Variants in MRE11 observed in about 807,000 individuals in gnomAD.
The protein encoded by MRE11 is double-strand break repair protein MRE11.
MRE11 carries 62 observed loss-of-function variants against 91.7 expected under a neutral mutation model. The observed-to-expected ratio is 0.68, with a 90% CI of 0.55 to 0.84. The LOEUF is 0.84. MRE11 is among the 40% of genes least tolerant of loss of function. The pLI is 0.00. For missense variants in MRE11, 796 were observed against 852.9 expected (o/e 0.93, Z 0.83); for synonymous variants, 273 against 271.4 (o/e 1.01, Z -0.06).
chr11:94,474,576 T>A (rs1473818384), intron 7 of MRE11, among the ~76,000 whole-genome samples: 1 of 152,112 alleles, frequency 6.6e-6, no homozygotes, highest in Non-Finnish European at 1.5e-5. Context: ...GGAAATAAGA[T>A]CACCCATGGA....
In MRE11 at chr11:94,417,602, T is replaced by A. The variant is rs1945062695; in HGVS notation, c.*2523A>T. 1 of 232,956 alleles carries A rather than the reference T, an allele frequency of 4.3e-6. No homozygotes were observed. Among genetic ancestry groups the A allele is most frequent in the South Asian group, 1.8e-4 (1 of 5,528 alleles). The allele number at this position is 232,956 out of a possible 1,614,324, so 14.4% of individuals were successfully genotyped here. ...CCACCTTGTGGCAAAAGTAGGAGCT[T>A]TTAAATTACAGAAGTTAGGGCTTGT... On this transcript the variant is annotated 3_prime_UTR_variant, in exon 20 of 20. Transcript: ENST00000323929.
Position 94,463,230 on chromosome 11 carries a change from A to C in MRE11, c.1225+883T>G, listed in dbSNP as rs145954514. 5.8e-3 allele frequency among the ~76,000 whole-genome samples: 879 copies of C among 152,286 alleles called. 5 individuals carry two copies. The highest frequency in any genetic ancestry group is 0.019 in the African/African-American group (797 of 41,560). ...GAAATACAATTCAAAACCACAATGA[A>C]ATACCATCTCATACCAGTTAGAATG... On this transcript the variant is annotated intron_variant, in intron 11 of 19. Transcript: ENST00000323929.
At position 94,447,227 on chromosome 11, in the gene MRE11, C is replaced by T. The variant is rs1945958389; in HGVS notation, c.1775G>A (p.Arg592Lys). The change falls in exon 15 of 20, where the codon AGA becomes AAA. Residue 592 changes from arginine (R) to lysine (K), a missense_variant. Transcript: ENST00000323929. ...CTGAACTCAGTGCTCACCTCTTCCT[C>T]TTTGAGACCCTCCTCTCGATGCTGA... ...QNSASRGGSQRGRADTGLETS... is the reference protein window; with the variant it reads ...QNSASRGGSQKGRADTGLETS... 3 of 1,612,824 alleles carry T rather than the reference C, an allele frequency of 1.9e-6. No homozygotes were observed. The highest frequency in any genetic ancestry group is 2.5e-6 in the Non-Finnish European group (3 of 1,179,994).
At chr11:94,487,733 A>C (rs1222020201) in intron 3 of MRE11, among the ~76,000 whole-genome samples, 1 of 152,226 alleles carries the variant, frequency 6.6e-6, no homozygotes, top group Non-Finnish European at 1.5e-5. Context: ...TCAGGAAAAA[A>C]ATCGTGTGTA....
chr11:94,439,950 T>C (rs1480504509), intron 16 of MRE11, among the ~76,000 whole-genome samples: 1 of 152,228 alleles, frequency 6.6e-6, no homozygotes, highest in Non-Finnish European at 1.5e-5. Context: ...AACAAGCATC[T>C]ACTATGTTAT....
chr11:94,428,269 C>T (rs961081241), intron 19 of MRE11, among the ~76,000 whole-genome samples: 2 of 152,244 alleles, frequency 1.3e-5, no homozygotes, highest in African/African-American at 4.8e-5. Flanking sequence ...TTTGACAATG[C>T]TGACAAAAAC....
intron 14 of MRE11, among the ~76,000 whole-genome samples, chr11:94,456,032 G>C (rs1316297128): frequency 1.3e-5 from 2 of 152,106 alleles, no homozygotes; most frequent in Non-Finnish European, 2.9e-5. Context: ...AAGTAGCCAA[G>C]ACTACAGGTG....
chr11:94,486,428 T>C (rs1023486580), intron 3 of MRE11, among the ~76,000 whole-genome samples: 4 of 152,252 alleles, frequency 2.6e-5, no homozygotes, highest in Admixed American at 2.0e-4. Flanking sequence ...AAATCATTCA[T>C]TTAATTCATT....
chr11:94,419,043 A>G lies in MRE11; in HGVS notation c.*1082T>C, dbSNP rs1356639226. The stretch of plus-strand genomic sequence containing the variant: ...TTTTAAAGTAAAGCTGTCGCATAAA[A>G]CTAGAAGAAGGAATAATCTCAGGGA... On this transcript the variant is annotated 3_prime_UTR_variant, in exon 20 of 20. Coordinates refer to ENST00000323929, the MANE Select transcript of MRE11 (RefSeq NM_005591.4). 11 of 231,836 alleles carry G rather than the reference A, an allele frequency of 4.7e-5. No homozygotes were observed. The highest frequency in any genetic ancestry group is 8.5e-5 in the Non-Finnish European group (10 of 117,326). The allele number at this position is 231,836 out of a possible 1,614,324, so 14.4% of individuals were successfully genotyped here.
rs527833638 is a variant in MRE11, at chr11:94,445,717, A to G, written c.1867+93T>C. 8.8e-5 allele frequency: 84 copies of G among 950,262 alleles called. No homozygotes were observed. The South Asian group carries it at 1.0e-3, about 12-fold the overall frequency. The allele number at this position is 950,262 out of a possible 1,614,324, so 58.9% of individuals were successfully genotyped here. A position where few individuals can be genotyped will look rare whatever the true frequency, so the allele number is the denominator to read the frequency against. On this transcript the variant is annotated intron_variant, in intron 16 of 19. Transcript: ENST00000323929. ...TCCTAATTGCCCTTATAACTTCCCA[A>G]TGATTGCAACACAAATAAGGGCTAC...
At chr11:94,476,829 T>G (rs889958364) in intron 6 of MRE11, among the ~76,000 whole-genome samples, 1 of 152,168 alleles carries the variant, frequency 6.6e-6, no homozygotes, top group African/African-American at 2.4e-5. Context: ...CAAGGGATTC[T>G]TGTGCCTCAG....
chr11:94,485,085 C>T (rs181452713), intron 4 of MRE11, among the ~76,000 whole-genome samples: 56 of 151,924 alleles, frequency 3.7e-4, no homozygotes, highest in Middle Eastern at 6.8e-3. Flanking sequence ...TGGTGATGGG[C>T]GCCTGTAATC....
Position 94,486,044 on chromosome 11 carries a change from T to C in MRE11, c.194A>G (p.Asn65Ser). ...ILLGGDLFHE[N>S]KPSRKTLHTC... Reference sequence around the variant, plus strand: ...ATGTAATGTTTTCCTTGAGGGCTTATTTTCATGAAAAAGATCACCACCTAA... The same window carrying C: ...ATGTAATGTTTTCCTTGAGGGCTTACTTTCATGAAAAAGATCACCACCTAA... The change falls in exon 4 of 20, where the codon AAT (asparagine) becomes AGT (serine). Residue 65 changes from asparagine (N) to serine (S), a missense_variant. Transcript: ENST00000323929. 1.2e-6 allele frequency: 2 copies of C among 1,613,836 alleles called. No homozygotes were observed. Among genetic ancestry groups the C allele is most frequent in the Non-Finnish European group, 1.7e-6 (2 of 1,179,890 alleles).
intron 2 of MRE11, 59 bp from the exon 3 acceptor site, chr11:94,491,024 A>C: frequency 3.0e-6 from 3 of 990,588 alleles, no homozygotes; most frequent in Non-Finnish European, 4.6e-6. Flanking sequence ...GGATATTCAA[A>C]CAAATTGAGA....
rs1947264400 is a variant in MRE11, at chr11:94,490,850, G to C, written c.136C>G (p.Leu46Val). ...ACACTCACTTCATTTTCCTGGGCAA[G>C]TCTTAAAATTTCATCGAGTGTTACA... ...TFVTLDEILR[L>V]AQENEVDFIL... The change falls in exon 3 of 20, where the codon CTT becomes GTT. Residue 46 changes from leucine (L) to valine (V), a missense_variant. By Grantham distance (32) the Leu-to-Val change is conservative. Coordinates refer to ENST00000323929, the MANE Select transcript of MRE11 (RefSeq NM_005591.4). 6.2e-7 allele frequency: 1 copy of C among 1,613,560 alleles called. No individual in the cohort carries two copies. Among genetic ancestry groups the C allele is most frequent in the South Asian group, 1.1e-5 (1 of 91,076 alleles).
chr11:94,488,998 C>G (rs1207365918), intron 3 of MRE11, among the ~76,000 whole-genome samples: 1 of 151,956 alleles, frequency 6.6e-6, no homozygotes, highest in Non-Finnish European at 1.5e-5. Flanking sequence ...AATATGTATA[C>G]CCACTGCTTT....
At position 94,492,808 on chromosome 11, in the gene MRE11, G is replaced by A. The variant is rs780903966; in HGVS notation, c.-7C>T. The A allele has an allele frequency of 6.2e-7, 1 of 1,613,436 alleles. No homozygotes were observed. The highest frequency in any genetic ancestry group is 8.5e-7 in the Non-Finnish European group (1 of 1,179,766). ...GTGCATCTGCAGTACTCATTTTTATGGTCAGTCAAGCTCCTCTGGGACCAG... is the reference window on the plus strand; with the variant it reads ...GTGCATCTGCAGTACTCATTTTTATAGTCAGTCAAGCTCCTCTGGGACCAG... On this transcript the variant is annotated 5_prime_UTR_variant, in exon 2 of 20. Transcript: ENST00000323929.
upstream of MRE11, chr11:94,496,803 T>A (rs1947423598): frequency 3.7e-6 from 6 of 1,614,074 alleles, no homozygotes; most frequent in Non-Finnish European, 5.1e-6. Flanking sequence ...GGACACCTTA[T>A]TCCTACTGGT....
chr11:94,445,710 C>G, intron 16 of MRE11, 100 bp downstream of exon 16: 1 of 900,050 alleles, frequency 1.1e-6, no homozygotes, highest in Non-Finnish European at 1.9e-6. Context: ...GCCCTTATAA[C>G]TTCCCAATGA....
Sources: gnomAD v4.1 joint callset for allele counts (sites outside exome capture counted in the v4.1 genomes callset) on GRCh38, gnomAD v4.1.1 for gene constraint, MANE v1.5 for transcripts, NCBI Gene and HGNC (gene_info 2026-07-23, HGNC 2026-07-21) for gene names.